The following MCF2L variants were observed in gnomAD, a reference collection of about 807,000 sequenced individuals.
MCF2L encodes guanine nucleotide exchange factor DBS.
In MCF2L, 97 loss-of-function variants were observed where a neutral mutation model predicts 153.4. That is an observed-to-expected ratio of 0.63 (90% CI 0.54 to 0.75). MCF2L has a LOEUF of 0.75. MCF2L is among the 30% of genes least tolerant of loss of function. The probability of loss-of-function intolerance (pLI) is 0.00; values close to 1 mark genes in which losing one functional copy is unlikely to be tolerated. For synonymous variants in MCF2L, 659 were observed against 632.2 expected (o/e 1.04, Z -0.64); for missense variants, 1,347 against 1,495.2 (o/e 0.90, Z 1.64).
At chr13:112,987,583 C>A (rs1191434751) in intron 1 of MCF2L, among the ~76,000 whole-genome samples, 2 of 151,940 alleles carry the variant, frequency 1.3e-5, no homozygotes, top group Non-Finnish European at 2.9e-5. Flanking sequence ...GGTGTGAGGT[C>A]TCGGCCTGCG....
chr13:112,968,148 G>GGC (rs1008403625), upstream of MCF2L, among the ~76,000 whole-genome samples: 2 of 147,058 alleles, frequency 1.4e-5, no homozygotes, highest in Non-Finnish European at 3.0e-5. Context: ...GAGGTGGGGG[G>GGC]GGGGGTCTTG....
At chr13:113,057,529 T>C in intron 4 of MCF2L, among the ~76,000 whole-genome samples, 1 of 147,744 alleles carries the variant, frequency 6.8e-6, no homozygotes. Flanking sequence ...GTTTGGGTGC[T>C]GAGTGTTTAG....
chr13:113,089,171 C>G (rs1022132557), intron 25 of MCF2L, among the ~76,000 whole-genome samples: 4 of 27,334 alleles, frequency 1.5e-4, no homozygotes, highest in African/African-American at 3.0e-4. Flanking sequence ...ACTCCCCCGC[C>G]CCCCCCCCCG....
chr13:113,018,355 C>T (rs1374150672), intron 2 of MCF2L, among the ~76,000 whole-genome samples: 3 of 152,326 alleles, frequency 2.0e-5, no homozygotes, highest in Admixed American at 6.5e-5. Context: ...CCTGAAGCTA[C>T]GAGACCTGCC....
chr13:113,086,854 G>T (rs1011579480), intron 21 of MCF2L, among the ~76,000 whole-genome samples: 2 of 152,076 alleles, frequency 1.3e-5, no homozygotes, highest in African/African-American at 2.4e-5. Context: ...ATTTAGCATG[G>T]GTGCCACACC....
At position 113,041,896 on chromosome 13, in the gene MCF2L, G is replaced by C. The variant is rs528967043; in HGVS notation, c.279-3375G>C. 7.9e-5 allele frequency among the ~76,000 whole-genome samples: 12 copies of C among 152,294 alleles called. No individual in the cohort carries two copies. In the South Asian group the frequency reaches 2.5e-3, roughly 32 times the overall value. On this transcript the variant is annotated intron_variant, in intron 3 of 29. Coordinates refer to ENST00000535094, the MANE Select transcript of MCF2L (RefSeq NM_001112732.3). ...GGACGTGGCCTTAGGGGCAGCACACGTGGTGTCTGAGCCAGGTTCCCCTGT... is the reference window on the plus strand; with the variant it reads ...GGACGTGGCCTTAGGGGCAGCACACCTGGTGTCTGAGCCAGGTTCCCCTGT...
At chr13:112,958,224 G>T (rs1409370033) in intron 2 of MCF2L, 1 of 152,254 alleles carries the variant, frequency 6.6e-6, no homozygotes, top group Non-Finnish European at 1.5e-5. Flanking sequence ...GACGTGCGTG[G>T]TTCGTCTGTG....
rs140766935 is a variant in MCF2L at position 112,994,419 on chromosome 13, G to A, written c.80-20344G>A. ...ACGTCACTGTCTGTGCCAGTGTCTC[G>A]GGCAGGGGCTGGCAGGGCTGCCCAG... On this transcript the variant is annotated intron_variant, in intron 1 of 29. Transcript: ENST00000535094. Among the ~76,000 whole-genome samples the A allele has an allele frequency of 1.5e-3, 236 of 152,360 alleles. 1 individual carries two copies. The highest frequency in any genetic ancestry group is 4.9e-3 in the African/African-American group (203 of 41,596).
chr13:113,047,417 A>T (rs1292425943), intron 4 of MCF2L: 1 of 152,208 alleles, frequency 6.6e-6, no homozygotes, highest in East Asian at 1.9e-4. Flanking sequence ...CTAAAAATTA[A>T]ATCATAAGAA....
intron 1 of MCF2L, among the ~76,000 whole-genome samples, chr13:112,991,262 G>C (rs1382288376): frequency 6.6e-6 from 1 of 151,910 alleles, no homozygotes; most frequent in East Asian, 1.9e-4. Context: ...GTTTTGGGGG[G>C]CATCTCCCGG....
At position 113,085,859 on chromosome 13, in the gene MCF2L, C is replaced by T. The variant is rs113577784; in HGVS notation, c.2248-265C>T. On this transcript the variant is annotated intron_variant, in intron 20 of 29. Transcript: ENST00000535094. The stretch of plus-strand genomic sequence containing the variant: ...GAGGGAGCTCCCCGGGGAGCAGGTG[C>T]GAGGGGTTTGCACCTGGCATCCGGG... Among the ~76,000 whole-genome samples, 20 of 133,538 alleles carry T rather than the reference C, an allele frequency of 1.5e-4. No individual in the cohort carries two copies. In the East Asian group the frequency reaches 3.0e-3, roughly 20 times the overall value. 87.6% of individuals were successfully genotyped at this position (133,538 alleles called of 152,430 possible).
intron 3 of MCF2L, among the ~76,000 whole-genome samples, chr13:113,038,019 A>G (rs61391579): frequency 0.075 from 11,438 of 152,270 alleles, 515 homozygotes; most frequent in Non-Finnish European, 0.094. Context: ...ATTGTATTTT[A>G]GTATTTTTAT....
rs200603117 is a variant in MCF2L, at chr13:113,057,284, TTGGGTGCTG to T, written c.370-3299_370-3291del. On this transcript the variant is annotated intron_variant, in intron 4 of 29. Coordinates refer to ENST00000535094, the MANE Select transcript of MCF2L (RefSeq NM_001112732.3). Reference sequence around the variant, plus strand: ...TTTGGGTGCTGAGTGGGTGCTGTGTTTGGGTGCTGTGGGTGCTGAATGGGTGCTGTTTTG... The same window carrying T: ...TTTGGGTGCTGAGTGGGTGCTGTGTTTGGGTGCTGAATGGGTGCTGTTTTG... Among the ~76,000 whole-genome samples the T allele has an allele frequency of 1.4e-3, 169 of 122,562 alleles. No homozygotes were observed. In the East Asian group the frequency reaches 0.04, roughly 29 times the overall value. The allele number at this position is 122,562 out of a possible 152,430, so 80.4% of individuals were successfully genotyped here. A position where few individuals can be genotyped will look rare whatever the true frequency, so the allele number is the denominator to read the frequency against.
intron 2 of MCF2L, among the ~76,000 whole-genome samples, chr13:112,954,200 T>C (rs2081729539): frequency 6.6e-6 from 1 of 152,160 alleles, no homozygotes; most frequent in Non-Finnish European, 1.5e-5. Flanking sequence ...GGAACTCCTG[T>C]TTCCAGGCCT....
intron 2 of MCF2L, among the ~76,000 whole-genome samples, chr13:112,916,351 C>G (rs1373463384): frequency 6.6e-6 from 1 of 152,214 alleles, no homozygotes; most frequent in East Asian, 1.9e-4. Flanking sequence ...TTTCCAATTT[C>G]TGATTCACTG....
chr13:113,058,027 GGGTGCTGAGTGTTTA>G (rs943342285), intron 4 of MCF2L, among the ~76,000 whole-genome samples: 5 of 148,776 alleles, frequency 3.4e-5, no homozygotes, highest in Non-Finnish European at 5.9e-5. Flanking sequence ...GACACTGAAT[GGGTGCTGAGTGTTTA>G]GGTGCTGAGT....
intron 2 of MCF2L, among the ~76,000 whole-genome samples, chr13:112,963,259 T>C (rs955773010): frequency 2.6e-5 from 4 of 152,226 alleles, no homozygotes; most frequent in Non-Finnish European, 4.4e-5. Context: ...TCGTGGAATC[T>C]TAAGTTGCTT....
At chr13:113,020,361 G>T (rs2084798269) in intron 2 of MCF2L, among the ~76,000 whole-genome samples, 1 of 152,220 alleles carries the variant, frequency 6.6e-6, no homozygotes, top group Non-Finnish European at 1.5e-5. Context: ...TCACACCCTT[G>T]GTCACCCGGC....
In MCF2L at chr13:113,091,096, T is replaced by TTTC. The variant is rs755281340; in HGVS notation, c.2953+1370_2953+1372dup. ...CCTTCACACTCTCTCTCCGGTTGTA[T>TTTC]TTCTGCCTCCTCCTCCTCTTGCAGC... On this transcript the variant is annotated intron_variant, in intron 26 of 29. Coordinates refer to ENST00000535094, the MANE Select transcript of MCF2L (RefSeq NM_001112732.3). The TTTC allele has an allele frequency of 2.3e-5, 30 of 1,304,300 alleles. No homozygotes were observed. In the African/African-American group the frequency reaches 4.2e-4, roughly 18 times the overall value. The allele number at this position is 1,304,300 out of a possible 1,614,324, so 80.8% of individuals were successfully genotyped here. A position where few individuals can be genotyped will look rare whatever the true frequency, so the allele number is the denominator to read the frequency against.
Sources: gnomAD v4.1 joint callset for allele counts (sites outside exome capture counted in the v4.1 genomes callset) on GRCh38, gnomAD v4.1.1 for gene constraint, MANE v1.5 for transcripts, NCBI Gene and HGNC (gene_info 2026-07-23, HGNC 2026-07-21) for gene names.